ZNF836: variants seen among roughly 807,000 people sequenced by gnomAD.
ZNF836 encodes the protein zinc finger protein 836.
In ZNF836, 12 loss-of-function variants were observed where a neutral mutation model predicts 7.4. The observed-to-expected ratio is 1.61, with a 90% CI of 1.03 to 2.61. ZNF836 has a LOEUF of 2.61. ZNF836 is among the 30% of genes most tolerant of loss of function. The probability of loss-of-function intolerance (pLI) is 0.00; values close to 1 mark genes in which losing one functional copy is unlikely to be tolerated. For missense variants in ZNF836, 998 were observed against 1,126.2 expected, an observed-to-expected ratio of 0.89 and a Z score of 1.63; for synonymous variants, 365 against 382.6, an observed-to-expected ratio of 0.95 and a Z score of 0.54.
intron 4 of ZNF836, among the ~76,000 whole-genome samples, chr19:52,158,154 C>T (rs2089183160): frequency 6.6e-6 from 1 of 152,070 alleles, no homozygotes; most frequent in Non-Finnish European, 1.5e-5. Context: ...AGCACTAAAA[C>T]AAGTATTTTT....
In ZNF836 at chr19:52,156,813, T is replaced by C; in HGVS notation, c.870A>G (p.Val290=). The change falls in exon 5 of 5, where the codon GTA becomes GTG. Residue 290 remains valine (V), a synonymous_variant. Transcript: ENST00000682614. ...GKIFRQNSDL[V]NHRRSHTGEK... ...CTCCAGTGTGACTTCTCCGGTGATT[T>C]ACAAGATCTGAATTTTGTCTGAAGA... 1 of 1,614,192 alleles carries C rather than the reference T, an allele frequency of 6.2e-7. No homozygotes were observed. The highest frequency in any genetic ancestry group is 8.5e-7 in the Non-Finnish European group (1 of 1,180,024).
At chr19:52,164,222 T>C (rs1004395017) in intron 3 of ZNF836, among the ~76,000 whole-genome samples, 19 of 151,728 alleles carry the variant, frequency 1.3e-4, no homozygotes, top group African/African-American at 4.6e-4. Context: ...TGAAATCCCG[T>C]TTCTACTAAA....
intron 1 of ZNF836, among the ~76,000 whole-genome samples, chr19:52,170,821 A>G (rs1449539988): frequency 2.0e-5 from 3 of 152,114 alleles, no homozygotes; most frequent in Non-Finnish European, 4.4e-5. Context: ...ACATTCAGTA[A>G]GAAAGGGGAG....
chr19:52,163,449 T>C (rs1422891143), intron 3 of ZNF836, among the ~76,000 whole-genome samples: 1 of 152,238 alleles, frequency 6.6e-6, no homozygotes, highest in Non-Finnish European at 1.5e-5. Flanking sequence ...AGAGTGTTTC[T>C]AACAAACATC....
At chr19:52,160,703 C>CAG in intron 3 of ZNF836, 112 bp from the exon 4 acceptor site, 4 of 1,320,426 alleles carry the variant, frequency 3.0e-6, no homozygotes, top group Non-Finnish European at 4.1e-6. Flanking sequence ...TTCACATATC[C>CAG]ATGCAAGGCA....
chr19:52,157,597 G>A lies in ZNF836; in HGVS notation c.143-57C>T, dbSNP rs562044178. On this transcript the variant is annotated intron_variant, in intron 4 of 4. Transcript: ENST00000682614. Reference sequence around the variant, plus strand: ...CGTTGGTTTTTTTTTTTGAGACAGAGTCTTGCTCTGTTGCCCAGGCTGGAG... The same window carrying A: ...CGTTGGTTTTTTTTTTTGAGACAGAATCTTGCTCTGTTGCCCAGGCTGGAG... 1.3e-4 allele frequency: 190 copies of A among 1,413,462 alleles called. No homozygotes were observed. The Middle Eastern group carries it at 1.6e-3, about 12-fold the overall frequency. 87.6% of individuals were successfully genotyped at this position (1,413,462 alleles called of 1,614,324 possible).
intron 3 of ZNF836, among the ~76,000 whole-genome samples, chr19:52,164,314 A>T (rs2089241195): frequency 6.6e-6 from 1 of 151,200 alleles, no homozygotes; most frequent in African/African-American, 2.4e-5. Context: ...AATTGCTTGA[A>T]CCCAGGAGGC....
intron 3 of ZNF836, among the ~76,000 whole-genome samples, chr19:52,167,818 C>A (rs781051008): frequency 5.9e-5 from 9 of 152,130 alleles, no homozygotes; most frequent in African/African-American, 1.9e-4. Context: ...CGTCTCCATC[C>A]GTGTCTGGGT....
Position 52,156,759 on chromosome 19 carries a change from G to T in ZNF836, c.924C>A (p.Gly308=), listed in dbSNP as rs765972736. Residue 308 remains glycine, a synonymous_variant, in exon 5 of 5, where the codon GGC becomes GGA. Transcript: ENST00000682614. ...GGTTATAACTTTGACTAAAGGACTT[G>T]CCACATTCATTACATTTGTACGGTT... ...GEKPYKCNEC[G]KSFSQSYNLA... The T allele has an allele frequency of 1.9e-6, 3 of 1,606,802 alleles. No individual in the cohort carries two copies. The highest frequency in any genetic ancestry group is 2.6e-6 in the Non-Finnish European group (3 of 1,175,044).
At position 52,155,477 on chromosome 19, in the gene ZNF836, C is replaced by T. The variant is rs773656890; in HGVS notation, c.2206G>A (p.Gly736Ser). Residue 736 changes from glycine to serine, a missense_variant, in exon 5 of 5, where the codon GGC (glycine) becomes AGC (serine). Gly to Ser is a moderately conservative substitution (Grantham distance 56, BLOSUM62 0). Coordinates refer to ENST00000682614, the MANE Select transcript of ZNF836 (RefSeq NM_001102657.3). ...HCGRTFSHIT[G>S]LTYHQRRHTG... The stretch of plus-strand genomic sequence containing the variant: ...TGCCTTCTCTGATGGTACGTCAGGC[C>T]TGTTATATGACTAAAAGTTCTACCA... The T allele has an allele frequency of 6.2e-7, 1 of 1,613,782 alleles. No individual in the cohort carries two copies.
rs2089281981 is a variant in ZNF836, at chr19:52,168,161, G to A, written c.-80-9C>T. 1 of 1,537,780 alleles carries A rather than the reference G, an allele frequency of 6.5e-7. No homozygotes were observed. The highest frequency in any genetic ancestry group is 2.0e-5 in the Admixed American group (1 of 51,074). ...TTCTTTACAAGTCAAATCTGAAAGT[G>A]AAAAATCTGTTGTTTAATGCTTGGA... On this transcript the variant is annotated splice_polypyrimidine_tract_variant and intron_variant, in intron 2 of 4. Transcript: ENST00000682614.
At chr19:52,166,422 T>G (rs952974398) in intron 3 of ZNF836, among the ~76,000 whole-genome samples, 1 of 152,102 alleles carries the variant, frequency 6.6e-6, no homozygotes, top group Non-Finnish European at 1.5e-5. Context: ...ACAGTATAGA[T>G]AGTAAAAAAA....
In ZNF836 at chr19:52,154,972, C is replaced by T. The variant is rs1286385635; in HGVS notation, c.2711G>A (p.Gly904Asp). 6.2e-7 allele frequency: 1 copy of T among 1,608,178 alleles called. No individual in the cohort carries two copies. Among genetic ancestry groups the T allele is most frequent in the Non-Finnish European group, 8.5e-7 (1 of 1,176,598 alleles). ...ECGKSFISRS[G>D]LTKHQTKHTA... ...ATGTTTTGTCTGATGTTTAGTGAGG[C>T]CTGAGCGACTAATGAAAGATTTGCC... Residue 904 changes from glycine (G) to aspartate (D), a missense_variant, in exon 5 of 5, where the codon GGC (glycine) becomes GAC (aspartate). Coordinates refer to ENST00000682614, the MANE Select transcript of ZNF836 (RefSeq NM_001102657.3).
At chr19:52,157,816 A>T (rs1297447377) in intron 4 of ZNF836, among the ~76,000 whole-genome samples, 1 of 151,938 alleles carries the variant, frequency 6.6e-6, no homozygotes, top group Non-Finnish European at 1.5e-5. Flanking sequence ...TGATCCGCCC[A>T]CCTCGGCCCC....
Position 52,161,235 on chromosome 19 carries a change from A to G in ZNF836, c.16-644T>C, listed in dbSNP as rs1476162482. On this transcript the variant is annotated intron_variant, in intron 3 of 4. Coordinates refer to ENST00000682614, the MANE Select transcript of ZNF836 (RefSeq NM_001102657.3). This position sits in a 1 kb window ranked among gnomAD's most constrained non-coding sequence, Gnocchi z 4.1. The stretch of plus-strand genomic sequence containing the variant: ...GAATCAGTCTTGAATCAAAAGAAAC[A>G]AATGGTTAAATTATGGTTACGGTAT... Among the ~76,000 whole-genome samples the G allele has an allele frequency of 6.6e-6, 1 of 152,220 alleles. No homozygotes were observed. Among genetic ancestry groups the G allele is most frequent in the African/African-American group, 2.4e-5 (1 of 41,460 alleles).
At chr19:52,162,781 G>C (rs903990437) in intron 3 of ZNF836, among the ~76,000 whole-genome samples, 1 of 152,196 alleles carries the variant, frequency 6.6e-6, no homozygotes, top group East Asian at 1.9e-4. Flanking sequence ...CAAGGAGCCC[G>C]GCGCCAGGGA....
Position 52,156,999 on chromosome 19 carries a change from T to A in ZNF836, c.684A>T (p.Arg228Ser), listed in dbSNP as rs1351060049. 2 of 1,613,102 alleles carry A rather than the reference T, an allele frequency of 1.2e-6. No individual in the cohort carries two copies. The highest frequency in any genetic ancestry group is 4.5e-5 in the East Asian group (2 of 44,866). The change falls in exon 5 of 5, where the codon AGA becomes AGT. Residue 228 changes from arginine to serine, a missense_variant. Coordinates refer to ENST00000682614, the MANE Select transcript of ZNF836 (RefSeq NM_001102657.3). ...GATGGTTAATAAGACTTGAAGACAC[T>A]CTAAAGGCTTTGCCACACCCTTTAC... ...YMCKGCGKAF[R>S]VSSSLINHQM... is the part of the protein sequence containing the mutation.
At chr19:52,170,703 T>A (rs1279219313) in intron 1 of ZNF836, among the ~76,000 whole-genome samples, 2 of 152,292 alleles carry the variant, frequency 1.3e-5, no homozygotes, top group African/African-American at 4.8e-5. Context: ...CCCTAAATTA[T>A]CATCCATTTT....
At chr19:52,166,421 A>G (rs2089264240) in intron 3 of ZNF836, among the ~76,000 whole-genome samples, 1 of 152,114 alleles carries the variant, frequency 6.6e-6, no homozygotes, top group Non-Finnish European at 1.5e-5. Context: ...TACAGTATAG[A>G]TAGTAAAAAA....
Sources: gnomAD v4.1 joint callset for allele counts (sites outside exome capture counted in the v4.1 genomes callset) on GRCh38, gnomAD v4.1.1 for gene constraint, Gnocchi (gnomAD v3.1) non-coding constraint, MANE v1.5 for transcripts, NCBI Gene and HGNC (gene_info 2026-07-23, HGNC 2026-07-21) for gene names.